HEG1: variants seen among roughly 807,000 people sequenced by gnomAD.
HEG1 encodes heart development protein with EGF like domains 1, also known as protein HEG homolog 1.
In HEG1, 56 loss-of-function variants were observed where a neutral mutation model predicts 125.6. That is an observed-to-expected ratio of 0.45 (90% CI 0.36 to 0.56). The LOEUF is 0.56. Among genes scored for constraint, HEG1 ranks in the 20% least tolerant of loss-of-function variants. HEG1 has a pLI of 0.00. For missense variants in HEG1, 1,523 were observed against 1,670.0 expected (o/e 0.91, Z 1.53); for synonymous variants, 644 against 668.5 (o/e 0.96, Z 0.57).
At chr3:124,982,910 A>G (rs1936677624) in intron 14 of HEG1, among the ~76,000 whole-genome samples, 1 of 152,182 alleles carries the variant, frequency 6.6e-6, no homozygotes, top group African/African-American at 2.4e-5. Context: ...GCTGAGCTAG[A>G]GACCTCCCCA....
At chr3:125,038,299 G>A (rs1937564709) in intron 1 of HEG1, among the ~76,000 whole-genome samples, 4 of 152,234 alleles carry the variant, frequency 2.6e-5, no homozygotes, top group Admixed American at 2.6e-4. Context: ...TATAGGGAGA[G>A]CTTAGGACGC....
chr3:125,038,693 A>G (rs1937568149), intron 1 of HEG1, among the ~76,000 whole-genome samples: 1 of 152,190 alleles, frequency 6.6e-6, no homozygotes, highest in Non-Finnish European at 1.5e-5. Flanking sequence ...ATGGCTCCCT[A>G]TTCAGCACCT....
At chr3:124,993,040 C>G (rs919624494) in intron 12 of HEG1, among the ~76,000 whole-genome samples, 1 of 152,204 alleles carries the variant, frequency 6.6e-6, no homozygotes, top group African/African-American at 2.4e-5. Context: ...AGAAATTGCT[C>G]TTGGCCCCAT....
intron 1 of HEG1, among the ~76,000 whole-genome samples, chr3:125,031,831 C>T (rs1227314181): frequency 2.6e-5 from 4 of 151,626 alleles, no homozygotes; most frequent in South Asian, 2.1e-4. Context: ...CACACACACA[C>T]GCACACACAC....
At chr3:125,019,229 T>C (rs747941122) in intron 5 of HEG1, 33 bp downstream of exon 5, 1 of 1,548,624 alleles carries the variant, frequency 6.5e-7, no homozygotes, top group Admixed American at 1.7e-5. Context: ...CTCTCCTCTA[T>C]GGGGCACAGT....
intron 1 of HEG1, among the ~76,000 whole-genome samples, chr3:125,030,204 A>T (rs1233751612): frequency 6.6e-6 from 1 of 152,168 alleles, no homozygotes; most frequent in Non-Finnish European, 1.5e-5. Context: ...GCTATTATAA[A>T]AGCTGGCAGC....
At chr3:124,983,154 C>T (rs984153741) in intron 14 of HEG1, among the ~76,000 whole-genome samples, 1 of 152,180 alleles carries the variant, frequency 6.6e-6, no homozygotes, top group African/African-American at 2.4e-5. Context: ...CTCTTTGTCG[C>T]TTAGGCTAGC....
Position 125,039,842 on chromosome 3 carries a change from AAAAAAAACAAC to A in HEG1, c.317-10365_317-10355del, listed in dbSNP as rs1436032211. On this transcript the variant is annotated intron_variant, in intron 1 of 16. Coordinates refer to ENST00000311127, the MANE Select transcript of HEG1 (RefSeq NM_020733.2). ...TGGCCAAAAGAACAGAGCCAAAAAA[AAAAAAAACAAC>A]AAAAAAAAACAAGTCCCCCACAAAA... Among the ~76,000 whole-genome samples, 22 of 151,806 alleles carry A rather than the reference AAAAAAAACAAC, an allele frequency of 1.4e-4. No homozygotes were observed. In the East Asian group the frequency reaches 3.3e-3, roughly 23 times the overall value.
chr3:124,982,873 G>A (rs1382061597), intron 14 of HEG1, among the ~76,000 whole-genome samples: 1 of 152,154 alleles, frequency 6.6e-6, no homozygotes, highest in East Asian at 1.9e-4. Flanking sequence ...AGGAATTTGG[G>A]AAAAGAGGGC....
intron 14 of HEG1, among the ~76,000 whole-genome samples, chr3:124,980,645 T>C (rs1456624607): frequency 1.3e-5 from 2 of 152,058 alleles, no homozygotes; most frequent in African/African-American, 2.4e-5. Context: ...ACCTCCTGAG[T>C]AGCTGTGATT....
intron 1 of HEG1, among the ~76,000 whole-genome samples, chr3:125,052,818 T>TA (rs1937842393): frequency 6.6e-6 from 1 of 152,186 alleles, no homozygotes; most frequent in Non-Finnish European, 1.5e-5. Flanking sequence ...TCCAGGGACT[T>TA]ACAGTCTAAT....
rs370189583 is a variant in HEG1 at position 125,049,092 on chromosome 3, G to A, written c.316+6483C>T. On this transcript the variant is annotated intron_variant, in intron 1 of 16. Transcript: ENST00000311127. ...GACAGGCCTTCCATGCCTATCATACGGTAGGCAGGCTTCTTCCTGCACTTT... is the reference window on the plus strand; with the variant it reads ...GACAGGCCTTCCATGCCTATCATACAGTAGGCAGGCTTCTTCCTGCACTTT... Among the ~76,000 whole-genome samples the A allele has an allele frequency of 6.9e-4, 105 of 152,190 alleles. 3 individuals are homozygous for A. The South Asian group carries it at 0.02, about 29-fold the overall frequency.
chr3:125,038,102 A>G (rs571773728), intron 1 of HEG1, among the ~76,000 whole-genome samples: 1 of 152,346 alleles, frequency 6.6e-6, no homozygotes, highest in African/African-American at 2.4e-5. Context: ...CTGCTAATCA[A>G]TCAAAGCTCA....
At chr3:125,017,640 C>T (rs913875871) in intron 5 of HEG1, among the ~76,000 whole-genome samples, 36 of 152,130 alleles carry the variant, frequency 2.4e-4, no homozygotes, top group African/African-American at 8.7e-4. Flanking sequence ...TAAAATGATG[C>T]AGCCACTTTG....
intron 8 of HEG1, among the ~76,000 whole-genome samples, chr3:125,006,542 T>C (rs2107698010): frequency 6.6e-6 from 1 of 152,346 alleles, no homozygotes; most frequent in East Asian, 1.9e-4. Flanking sequence ...GGAAAACATT[T>C]AACATCTTAC....
chr3:125,054,036 C>T (rs978417749), intron 1 of HEG1, among the ~76,000 whole-genome samples: 1 of 152,248 alleles, frequency 6.6e-6, no homozygotes, highest in Non-Finnish European at 1.5e-5. Flanking sequence ...AATCTGCCTT[C>T]GGCTCTTGGG....
At position 125,012,761 on chromosome 3, in the gene HEG1, C is replaced by G. The variant is rs1322030610; in HGVS notation, c.2818G>C (p.Ala940Pro). Residue 940 changes from alanine to proline, a missense_variant, in exon 6 of 17, where the codon GCT becomes CCT. By Grantham distance (27) the Ala-to-Pro change is conservative. Transcript: ENST00000311127. The part of the protein sequence containing the change: ...KLGVTAEYSP[A>P]SRSLGTSPSP... ...GGAGATGTTCCGAGGGAACGTGAAG[C>G]TGGGCTGTACTCTGCTGTAACGCCA... 6.2e-7 allele frequency: 1 copy of G among 1,614,036 alleles called. No individual in the cohort carries two copies. Among genetic ancestry groups the G allele is most frequent in the Non-Finnish European group, 8.5e-7 (1 of 1,179,896 alleles).
At position 125,013,324 on chromosome 3, in the gene HEG1, T is replaced by C. The variant is rs925153996; in HGVS notation, c.2255A>G (p.Glu752Gly). 2 of 1,613,974 alleles carry C rather than the reference T, an allele frequency of 1.2e-6. No individual in the cohort carries two copies. The highest frequency in any genetic ancestry group is 1.7e-5 in the Admixed American group (1 of 60,020). Reference sequence around the variant, plus strand: ...TGTCTGAAATGAAGTCACAGGAGTCTCCCTTGCCCTGGGCAGGACAGGGGT... The same window carrying C: ...TGTCTGAAATGAAGTCACAGGAGTCCCCCTTGCCCTGGGCAGGACAGGGGT... ...SSTPVLPRAR[E>G]TPVTSFQTST... The change falls in exon 6 of 17, where the codon GAG (glutamate) becomes GGG (glycine). Residue 752 changes from glutamate to glycine, a missense_variant. By Grantham distance (98) the Glu-to-Gly change is moderately conservative (BLOSUM62 -2). Coordinates refer to ENST00000311127, the MANE Select transcript of HEG1 (RefSeq NM_020733.2).
rs761480257 is a variant in HEG1, at chr3:125,012,890, C to G, written c.2689G>C (p.Gly897Arg). 6.2e-7 allele frequency: 1 copy of G among 1,614,038 alleles called. No individual in the cohort carries two copies. Among genetic ancestry groups the G allele is most frequent in the Non-Finnish European group, 8.5e-7 (1 of 1,179,898 alleles). Residue 897 changes from glycine (G) to arginine (R), a missense_variant, in exon 6 of 17, where the codon GGT becomes CGT. Physicochemically the swap from Gly to Arg is moderately radical, Grantham distance 125. Coordinates refer to ENST00000311127, the MANE Select transcript of HEG1 (RefSeq NM_020733.2). ...CGGTTCCTTTCTGTGCTGATGCCAC[C>G]TTCTGTTGAGATTTGAGGAACTAGT... ...EILVPQISTEGGISTERNRVI... is the reference protein window; with the variant it reads ...EILVPQISTERGISTERNRVI...
Sources: gnomAD v4.1 joint callset for allele counts (sites outside exome capture counted in the v4.1 genomes callset) on GRCh38, gnomAD v4.1.1 for gene constraint, MANE v1.5 for transcripts, NCBI Gene and HGNC (gene_info 2026-07-23, HGNC 2026-07-21) for gene names.